The following POLG2 variants were observed in gnomAD, a reference collection of about 807,000 sequenced individuals.
POLG2 encodes DNA polymerase subunit gamma-2.
POLG2 carries 50 observed loss-of-function variants against 56.5 expected under a neutral mutation model. The ratio of observed to expected loss-of-function variants is 0.88; its 90% CI spans 0.71 to 1.12. POLG2 has a LOEUF of 1.12. Among genes scored for constraint, POLG2 ranks in the 50% most tolerant of loss-of-function variants. The pLI, the probability that POLG2 is intolerant of heterozygous loss-of-function variation, is 0.00. For missense variants in POLG2, 584 were observed against 583.3 expected (o/e 1.00, Z -0.01); for synonymous variants, 226 against 222.6 (o/e 1.02, Z -0.14).
In POLG2 at chr17:64,497,018, A is replaced by G. The variant is rs368241192; in HGVS notation, c.-50T>C. The G allele has an allele frequency of 2.3e-5, 34 of 1,507,626 alleles. No homozygotes were observed. The African/African-American group carries it at 4.2e-4, about 19-fold the overall frequency. 93.4% of individuals were successfully genotyped at this position (1,507,626 alleles called of 1,614,324 possible). A position where few individuals can be genotyped will look rare whatever the true frequency, so the allele number is the denominator to read the frequency against. On this transcript the variant is annotated 5_prime_UTR_variant, in exon 1 of 8. Coordinates refer to ENST00000539111, the MANE Select transcript of POLG2 (RefSeq NM_007215.4). ...CTCTCCCATCACTCAACGGATCCCA[A>G]CAAGCCACCACTACCGTTAACAGAA... is the stretch of plus-strand genomic sequence containing the variant.
intron 7 of POLG2, 77 bp from the exon 8 acceptor site, chr17:64,478,065 C>A: frequency 6.8e-7 from 1 of 1,465,184 alleles, no homozygotes; most frequent in Non-Finnish European, 9.5e-7. Flanking sequence ...AGCTGTAATT[C>A]AGTGTTCATG....
At chr17:64,481,573 T>G (rs1442532939) in intron 6 of POLG2, 3 of 278,920 alleles carry the variant, frequency 1.1e-5, no homozygotes, top group Non-Finnish European at 1.6e-5. Flanking sequence ...ACCAAAAGTG[T>G]TAAGTTCAAA....
intron 5 of POLG2, 151 bp downstream of exon 5, chr17:64,485,577 G>A: frequency 1.5e-6 from 1 of 676,898 alleles, no homozygotes; most frequent in South Asian, 1.7e-5. Flanking sequence ...TATTCCTGTG[G>A]CCAGATTCTA....
At chr17:64,494,569 C>T (rs1259143214) in intron 1 of POLG2, among the ~76,000 whole-genome samples, 2 of 152,094 alleles carry the variant, frequency 1.3e-5, no homozygotes, top group Non-Finnish European at 2.9e-5. Context: ...TAAGCTTTCT[C>T]TACCTCTTCC....
chr17:64,481,660 G>A (rs1555666487), intron 6 of POLG2, among the ~76,000 whole-genome samples: 2 of 152,066 alleles, frequency 1.3e-5, no homozygotes, highest in African/African-American at 4.8e-5. Flanking sequence ...ATCACTTGAG[G>A]TCAGGAGTTG....
intron 6 of POLG2, among the ~76,000 whole-genome samples, chr17:64,482,349 G>A (rs1201076715): frequency 7.5e-5 from 10 of 132,920 alleles, no homozygotes; most frequent in East Asian, 2.1e-4. Context: ...TTTTTGAGAC[G>A]GAGTCTCTGT....
At chr17:64,488,414 C>T (rs1434215653) in intron 4 of POLG2, among the ~76,000 whole-genome samples, 1 of 151,824 alleles carries the variant, frequency 6.6e-6, no homozygotes. Flanking sequence ...AATAAAAGAA[C>T]AAAATAATCT....
rs1475546248 is a variant in POLG2 at position 64,493,109 on chromosome 17, C to T, written c.563-88G>A. On this transcript the variant is annotated intron_variant, in intron 1 of 7. Coordinates refer to ENST00000539111, the MANE Select transcript of POLG2 (RefSeq NM_007215.4). ...ATAGACACATTAATAGTAGTAATAA[C>T]GTTAACACAGCATAAAGACAGATGT... 78 of 1,350,086 alleles carry T rather than the reference C, an allele frequency of 5.8e-5. 1 individual carries two copies. The highest frequency in any genetic ancestry group is 5.3e-4 in the South Asian group (45 of 84,946). 83.6% of individuals were successfully genotyped at this position (1,350,086 alleles called of 1,614,324 possible). A position where few individuals can be genotyped will look rare whatever the true frequency, so the allele number is the denominator to read the frequency against.
chr17:64,484,780 A>G (rs1231858368), intron 5 of POLG2, among the ~76,000 whole-genome samples: 5 of 152,224 alleles, frequency 3.3e-5, no homozygotes, highest in African/African-American at 1.2e-4. Context: ...TGGTTATAGC[A>G]GGCTAAATGA....
rs536973420 is a variant in POLG2 at position 64,493,585 on chromosome 17, T to G, written c.563-564A>C. ...TTGCAACCTCCGCCTCCCGGGTTCA[T>G]GCCATTCTCCTGCCTCAGCCTCCCG... On this transcript the variant is annotated intron_variant, in intron 1 of 7. Coordinates refer to ENST00000539111, the MANE Select transcript of POLG2 (RefSeq NM_007215.4). Among the ~76,000 whole-genome samples, 26 of 152,048 alleles carry G rather than the reference T, an allele frequency of 1.7e-4. No individual in the cohort carries two copies. In the East Asian group the frequency reaches 5.1e-3, roughly 30 times the overall value.
intron 1 of POLG2, among the ~76,000 whole-genome samples, chr17:64,495,895 G>A (rs2038143171): frequency 6.6e-6 from 1 of 152,078 alleles, no homozygotes; most frequent in Non-Finnish European, 1.5e-5. Flanking sequence ...TTTTAGTAGA[G>A]ACGGGGTTTC....
intron 4 of POLG2, among the ~76,000 whole-genome samples, chr17:64,486,379 C>CTTTTTTTTTG (rs1555667485): frequency 6.8e-6 from 1 of 146,680 alleles, no homozygotes; most frequent in South Asian, 2.2e-4. Flanking sequence ...TTTTTTAATA[C>CTTTTTTTTTG]AGACAGAGTC....
intron 1 of POLG2, 78 bp from the exon 2 acceptor site, chr17:64,493,099 G>C: frequency 7.0e-7 from 1 of 1,431,838 alleles, no homozygotes; most frequent in South Asian, 1.2e-5. Context: ...CACATTAATA[G>C]TAGTAATAAC....
At chr17:64,487,050 C>G (rs2037968692) in intron 4 of POLG2, 1 of 151,600 alleles carries the variant, frequency 6.6e-6, no homozygotes, top group Non-Finnish European at 1.5e-5. Context: ...TTTAAAAATA[C>G]TTAAATAACC....
chr17:64,496,606 G>A lies in POLG2; in HGVS notation c.363C>T (p.Phe121=), dbSNP rs370159386. 7 of 1,613,630 alleles carry A rather than the reference G, an allele frequency of 4.3e-6. No homozygotes were observed. The African/African-American group carries it at 6.7e-5, about 15-fold the overall frequency. ...AAEWWTSVVV[F]REQVFPVDAL... The stretch of plus-strand genomic sequence containing the variant: ...CGTCCACCGGGAATACCTGCTCCCT[G>A]AACACCACCACCGAGGTCCACCATT... The change falls in exon 1 of 8, where the codon TTC becomes TTT. Residue 121 remains phenylalanine, a synonymous_variant. Transcript: ENST00000539111.
At chr17:64,483,350 C>A (rs932047717) in intron 5 of POLG2, among the ~76,000 whole-genome samples, 2 of 151,114 alleles carry the variant, frequency 1.3e-5, no homozygotes, top group African/African-American at 2.5e-5. Flanking sequence ...CTTCTCTCTA[C>A]CAAAAAAATA....
At position 64,485,733 on chromosome 17, in the gene POLG2, T is replaced by A; in HGVS notation, c.1105A>T (p.Arg369Ter). ...NSFTRKKNLH[R>*]KVLKLHPCLA... Reference sequence around the variant, plus strand: ...CTCTGAAATATCAACAGCACCTTTCTATGAAGATTTTTCTTTCTTGTAAAG... The same window carrying A: ...CTCTGAAATATCAACAGCACCTTTCAATGAAGATTTTTCTTTCTTGTAAAG... The change falls in exon 5 of 8, where the codon AGA (arginine) becomes TGA (stop). Residue 369 changes from arginine to a stop codon, truncating the protein, a stop_gained. Transcript: ENST00000539111. LOFTEE classifies it high-confidence loss of function. The A allele has an allele frequency of 6.2e-7, 1 of 1,612,428 alleles. No homozygotes were observed. Among genetic ancestry groups the A allele is most frequent in the Non-Finnish European group, 8.5e-7 (1 of 1,178,426 alleles).
chr17:64,492,742 T>G lies in POLG2; in HGVS notation c.720A>C (p.Val240=). The G allele has an allele frequency of 6.2e-7, 1 of 1,613,120 alleles. No individual in the cohort carries two copies. Among genetic ancestry groups the G allele is most frequent in the Non-Finnish European group, 8.5e-7 (1 of 1,179,356 alleles). The change falls in exon 3 of 8, where the codon GTA becomes GTC. Residue 240 remains valine, a synonymous_variant. Coordinates refer to ENST00000539111, the MANE Select transcript of POLG2 (RefSeq NM_007215.4). ...TTGAAGTTCTCGGAGGAGTAAACCA[T>G]ACTAACGAAGCTTCAGTCTTCTCAC... The part of the protein sequence containing the change: ...SIGEKTEASL[V]WFTPPRTSNQ...
At chr17:64,487,794 G>T (rs1005817238) in intron 4 of POLG2, among the ~76,000 whole-genome samples, 2 of 152,084 alleles carry the variant, frequency 1.3e-5, no homozygotes, top group Admixed American at 1.3e-4. Context: ...TTGAGCCCAG[G>T]AGTTTGAGAC....
Sources: allele counts gnomAD v4.1 joint callset (sites outside exome capture counted in the v4.1 genomes callset), GRCh38; gene constraint gnomAD v4.1.1; transcripts MANE v1.5; gene names NCBI Gene and HGNC (gene_info 2026-07-23, HGNC 2026-07-21).